The following CTH variants were observed in gnomAD, a reference collection of about 807,000 sequenced individuals.
The protein encoded by CTH is cystathionine gamma-lyase.
In CTH, 41 loss-of-function variants were observed where a neutral mutation model predicts 50.6. The ratio of observed to expected loss-of-function variants is 0.81; its 90% CI spans 0.63 to 1.05. The LOEUF is 1.05. Among genes scored for constraint, CTH ranks in the 50% least tolerant of loss-of-function variants. The probability of loss-of-function intolerance (pLI) is 0.00; values close to 1 mark genes in which losing one functional copy is unlikely to be tolerated. For missense variants in CTH, 470 were observed against 492.6 expected (o/e 0.95, Z 0.43); for synonymous variants, 156 against 168.9 (o/e 0.92, Z 0.59).
rs372545834 is a variant in CTH, at chr1:70,422,397, C to T, written c.456+722C>T. Among the ~76,000 whole-genome samples the T allele has an allele frequency of 2.0e-5, 3 of 152,176 alleles. No homozygotes were observed. In the South Asian group the frequency reaches 6.2e-4, roughly 32 times the overall value. ...AGGACCAGTGTCTTTTATAAGTCAG[C>T]TGTTTACAACTTTTTGCTAATGATT... is the stretch of plus-strand genomic sequence containing the variant. On this transcript the variant is annotated intron_variant, in intron 4 of 11. Coordinates refer to ENST00000370938, the MANE Select transcript of CTH (RefSeq NM_001902.6).
chr1:70,432,364 A>C, intron 8 of CTH, 129 bp downstream of exon 8: 1 of 1,114,740 alleles, frequency 9.0e-7, no homozygotes, highest in Non-Finnish European at 1.3e-6. Context: ...ATTATTGAGC[A>C]CTGCCATGTG....
Position 70,435,146 on chromosome 1 carries a change from T to G in CTH, c.1021T>G (p.Leu341Val). ...ATAGCTATTTACTCTGGCCGAGAGC[T>G]TGGGAGGATTCGAAAGCCTTGCTGA... ...NLKLFTLAES[L>V]GGFESLAELP... The change falls in exon 10 of 12, where the codon TTG (leucine) becomes GTG (valine). Residue 341 changes from leucine to valine, a missense_variant. Transcript: ENST00000370938. 6.2e-7 allele frequency: 1 copy of G among 1,613,282 alleles called. No homozygotes were observed. Among genetic ancestry groups the G allele is most frequent in the Non-Finnish European group, 8.5e-7 (1 of 1,179,586 alleles).
At chr1:70,413,245 CTCTT>C (rs1429665211) in intron 1 of CTH, among the ~76,000 whole-genome samples, 27 of 151,018 alleles carry the variant, frequency 1.8e-4, no homozygotes, top group Admixed American at 5.3e-4. Flanking sequence ...TACACAGCCT[CTCTT>C]TCTTTCTTTC....
intron 8 of CTH, 67 bp from the exon 9 acceptor site, chr1:70,433,761 C>T: frequency 6.2e-7 from 1 of 1,605,272 alleles, no homozygotes; most frequent in South Asian, 1.1e-5. Flanking sequence ...TGAAAAATAC[C>T]ACCCTCCCCC....
intron 10 of CTH, among the ~76,000 whole-genome samples, chr1:70,436,363 T>C (rs1357082050): frequency 1.3e-5 from 2 of 152,018 alleles, no homozygotes; most frequent in Admixed American, 1.3e-4. Flanking sequence ...AAATTAATGA[T>C]TATCATTTAT....
intron 5 of CTH, among the ~76,000 whole-genome samples, chr1:70,429,391 T>A (rs1684415895): frequency 6.6e-6 from 1 of 152,220 alleles, no homozygotes; most frequent in South Asian, 2.1e-4. Context: ...GAGTTTATAC[T>A]TACTCTACAT....
chr1:70,420,283 G>T (rs192267918), intron 3 of CTH, among the ~76,000 whole-genome samples: 2 of 152,068 alleles, frequency 1.3e-5, no homozygotes, highest in African/African-American at 4.8e-5. Context: ...TGAGTCACTC[G>T]TGCCCGGCCT....
intron 5 of CTH, among the ~76,000 whole-genome samples, chr1:70,426,292 T>C (rs1452081257): frequency 2.0e-5 from 3 of 152,210 alleles, no homozygotes; most frequent in Non-Finnish European, 4.4e-5. Flanking sequence ...TGTTAGGAGA[T>C]ACCTTCTTCC....
rs146620556 is a variant in CTH, at chr1:70,429,508, A to G, written c.589-286A>G. ...ATTTAGAGTCCTGTCAGCAATTGCT[A>G]TAAAGAAACAGGTTCAAGAGACCAG... On this transcript the variant is annotated intron_variant, in intron 5 of 11. Coordinates refer to ENST00000370938, the MANE Select transcript of CTH (RefSeq NM_001902.6). Among the ~76,000 whole-genome samples the G allele has an allele frequency of 1.4e-4, 22 of 152,344 alleles. No individual in the cohort carries two copies. In the East Asian group the frequency reaches 3.9e-3, roughly 27 times the overall value.
intron 7 of CTH, among the ~76,000 whole-genome samples, chr1:70,431,519 G>C (rs1684474253): frequency 6.6e-6 from 1 of 152,102 alleles, no homozygotes; most frequent in Non-Finnish European, 1.5e-5. Context: ...ATTGTAACTT[G>C]ACAGGTAAAA....
In CTH at chr1:70,435,265, T is replaced by C. The variant is rs1684574024; in HGVS notation, c.1052+88T>C. On this transcript the variant is annotated intron_variant, in intron 10 of 11. Coordinates refer to ENST00000370938, the MANE Select transcript of CTH (RefSeq NM_001902.6). ...GAAATATGATAAGGTCAGGGATAAT[T>C]CAAGATATTTAACAATAAGAATAGC... The C allele has an allele frequency of 5.7e-6, 7 of 1,227,922 alleles. No homozygotes were observed. In the South Asian group the frequency reaches 8.9e-5, roughly 16 times the overall value. The allele number at this position is 1,227,922 out of a possible 1,614,324, so 76.1% of individuals were successfully genotyped here. A position where few individuals can be genotyped will look rare whatever the true frequency, so the allele number is the denominator to read the frequency against.
intron 2 of CTH, among the ~76,000 whole-genome samples, chr1:70,417,698 C>A (rs1684124028): frequency 6.6e-6 from 1 of 152,112 alleles, no homozygotes; most frequent in Non-Finnish European, 1.5e-5. Flanking sequence ...AATATTATTA[C>A]CAAGGCAAAA....
intron 1 of CTH, 200 bp downstream of exon 1, chr1:70,411,783 T>G (rs1329584035): frequency 1.4e-6 from 1 of 725,100 alleles, no homozygotes; most frequent in African/African-American, 1.9e-5. Flanking sequence ...TAAGCAGGAC[T>G]GGAAGGAGCC....
intron 3 of CTH, 48 bp downstream of exon 3, chr1:70,418,080 T>G: frequency 6.3e-7 from 1 of 1,584,666 alleles, no homozygotes; most frequent in Non-Finnish European, 8.7e-7. Flanking sequence ...ATTTTACAGA[T>G]AATAAAGTGA....
intron 5 of CTH, among the ~76,000 whole-genome samples, chr1:70,426,243 C>G (rs1027799497): frequency 2.0e-4 from 31 of 152,196 alleles, no homozygotes; most frequent in African/African-American, 7.5e-4. Flanking sequence ...ACAAGTTCTC[C>G]CTCTCTTTCC....
intron 5 of CTH, among the ~76,000 whole-genome samples, chr1:70,427,415 G>A (rs1191079495): frequency 6.6e-6 from 1 of 152,154 alleles, no homozygotes; most frequent in African/African-American, 2.4e-5. Flanking sequence ...GCTTCCCTGG[G>A]TTATATAAAG....
At chr1:70,420,390 T>C (rs953674257) in intron 3 of CTH, among the ~76,000 whole-genome samples, 33 of 152,124 alleles carry the variant, frequency 2.2e-4, no homozygotes, top group African/African-American at 7.7e-4. Context: ...CTATTTAGAT[T>C]CTCATAAGGA....
At chr1:70,422,511 A>G (rs992565535) in intron 4 of CTH, among the ~76,000 whole-genome samples, 16 of 152,236 alleles carry the variant, frequency 1.1e-4, no homozygotes, top group South Asian at 2.1e-4. Context: ...TTTGCACATT[A>G]ACATGGTTGA....
In CTH at chr1:70,437,044, A is replaced by G. The variant is rs12047791; in HGVS notation, c.1053-1644A>G. Among the ~76,000 whole-genome samples the G allele has an allele frequency of 3.3e-3, 508 of 152,286 alleles. 7 individuals are homozygous for G. The highest frequency in any genetic ancestry group is 0.024 in the East Asian group (123 of 5,188). On this transcript the variant is annotated intron_variant, in intron 10 of 11. Coordinates refer to ENST00000370938, the MANE Select transcript of CTH (RefSeq NM_001902.6). The stretch of plus-strand genomic sequence containing the variant: ...CTGCTGCTACTAGTGCAGCATTGCA[A>G]TATGGGAGGAAGGAAGTGAAGCTAA...
Sources: allele counts gnomAD v4.1 joint callset (sites outside exome capture counted in the v4.1 genomes callset), GRCh38; gene constraint gnomAD v4.1.1; transcripts MANE v1.5; gene names NCBI Gene and HGNC (gene_info 2026-07-23, HGNC 2026-07-21).